ZNF536: variants seen among roughly 807,000 people sequenced by gnomAD.
ZNF536 encodes zinc finger protein 536.
Under a neutral mutation model 84.5 loss-of-function variants are expected in ZNF536, and 13 were observed. The ratio of observed to expected loss-of-function variants is 0.15; its 90% CI spans 0.10 to 0.24. The LOEUF is 0.24. Among genes scored for constraint, ZNF536 ranks in the 10% least tolerant of loss-of-function variants. The pLI, the probability that ZNF536 is intolerant of heterozygous loss-of-function variation, is 1.00. For missense variants in ZNF536, 1,536 were observed against 1,747.5 expected (o/e 0.88, Z 2.16); for synonymous variants, 811 against 742.5 (o/e 1.09, Z -1.50).
intron 2 of ZNF536, among the ~76,000 whole-genome samples, chr19:30,319,660 T>C (rs900499973): frequency 6.6e-6 from 1 of 152,254 alleles, no homozygotes; most frequent in Non-Finnish European, 1.5e-5. Flanking sequence ...CAAACTCTTA[T>C]GTAAATGTTA....
intron 2 of ZNF536, among the ~76,000 whole-genome samples, chr19:30,490,649 G>A (rs2054471341): frequency 6.6e-6 from 1 of 152,058 alleles, no homozygotes; most frequent in Non-Finnish European, 1.5e-5. Flanking sequence ...GCAGAAATAA[G>A]GCCCTATTGT....
At chr19:30,660,204 A>C (rs1182139146) in intron 1 of ZNF536, among the ~76,000 whole-genome samples, 3 of 152,238 alleles carry the variant, frequency 2.0e-5, no homozygotes, top group Non-Finnish European at 4.4e-5. Flanking sequence ...AGAAGGAAGG[A>C]AAACCCACAT....
chr19:30,566,838 G>A (rs1418223193), intron 1 of ZNF536, among the ~76,000 whole-genome samples: 1 of 148,606 alleles, frequency 6.7e-6, no homozygotes, highest in Non-Finnish European at 1.5e-5. Flanking sequence ...CGGGTAGTGG[G>A]GGTCCCTGCA....
At chr19:30,637,341 T>A (rs1158643347) in intron 1 of ZNF536, among the ~76,000 whole-genome samples, 1 of 152,228 alleles carries the variant, frequency 6.6e-6, no homozygotes, top group African/African-American at 2.4e-5. Flanking sequence ...AGGTTCTCTT[T>A]GAGAGTCCAT....
At chr19:30,571,806 A>ACAT (rs1441123351) in intron 1 of ZNF536, among the ~76,000 whole-genome samples, 1 of 152,150 alleles carries the variant, frequency 6.6e-6, no homozygotes, top group Non-Finnish European at 1.5e-5. Context: ...ATTGAGGCCT[A>ACAT]CATTGGGCCC....
intron 2 of ZNF536, among the ~76,000 whole-genome samples, chr19:30,467,266 C>T (rs1259239766): frequency 6.6e-6 from 1 of 152,224 alleles, no homozygotes; most frequent in African/African-American, 2.4e-5. Context: ...TTCACCACAA[C>T]TCCCCATTTC....
chr19:30,324,798 C>A (rs2046969694), intron 2 of ZNF536, among the ~76,000 whole-genome samples: 1 of 152,174 alleles, frequency 6.6e-6, no homozygotes, highest in Non-Finnish European at 1.5e-5. Context: ...CCCATGAAGT[C>A]AGAGCCGATC....
At chr19:30,583,285 T>C (rs182522990) in intron 1 of ZNF536, among the ~76,000 whole-genome samples, 12 of 152,254 alleles carry the variant, frequency 7.9e-5, no homozygotes, top group Non-Finnish European at 1.3e-4. Flanking sequence ...GGCCATGCTG[T>C]GTGATGCTGT....
intron 1 of ZNF536, among the ~76,000 whole-genome samples, chr19:30,693,017 T>TGG (rs200399517): frequency 6.7e-6 from 1 of 150,070 alleles, no homozygotes; most frequent in Non-Finnish European, 1.5e-5. Flanking sequence ...CTCCAAAACC[T>TGG]GGGGGGGAGA....
At chr19:30,665,406 G>A (rs2050278001) in intron 1 of ZNF536, 2 of 152,226 alleles carry the variant, frequency 1.3e-5, no homozygotes, top group Non-Finnish European at 2.9e-5. Flanking sequence ...GTTGTTTGAA[G>A]AGCTGTCTTG....
intron 2 of ZNF536, among the ~76,000 whole-genome samples, chr19:30,303,157 C>T (rs986810836): frequency 1.4e-4 from 22 of 152,168 alleles, no homozygotes; most frequent in African/African-American, 4.3e-4. Flanking sequence ...TTCTGAGGCT[C>T]GGCTGGTGTC....
At chr19:30,559,401 G>A (rs551257176), downstream of ZNF536, among the ~76,000 whole-genome samples, 49 of 152,250 alleles carry the variant, frequency 3.2e-4, no homozygotes, top group Non-Finnish European at 5.6e-4. Context: ...GCCTGTACAA[G>A]AAGTAGGGCC....
chr19:30,288,635 G>T (rs773350917), intron 2 of ZNF536, among the ~76,000 whole-genome samples: 2 of 152,154 alleles, frequency 1.3e-5, no homozygotes, highest in Admixed American at 1.3e-4. Context: ...CAGATTTCCT[G>T]GGTTGGAACC....
At chr19:30,432,517 G>T (rs768474261) in intron 1 of ZNF536, among the ~76,000 whole-genome samples, 8 of 152,138 alleles carry the variant, frequency 5.3e-5, no homozygotes, top group Non-Finnish European at 1.2e-4. Flanking sequence ...GTGAGGTGGG[G>T]CTGGGCTGCT....
intron 1 of ZNF536, among the ~76,000 whole-genome samples, chr19:30,252,367 G>A (rs951204727): frequency 2.0e-5 from 3 of 152,292 alleles, no homozygotes; most frequent in African/African-American, 7.2e-5. Flanking sequence ...TGTGGCTGGG[G>A]ACCGCACTCC....
intron 1 of ZNF536, among the ~76,000 whole-genome samples, chr19:30,230,789 C>T (rs1043117263): frequency 1.3e-5 from 2 of 152,176 alleles, no homozygotes; most frequent in African/African-American, 4.8e-5. Context: ...ACTCTGAACT[C>T]CATCTTACTT....
intron 1 of ZNF536, among the ~76,000 whole-genome samples, chr19:30,684,886 C>T (rs1019064352): frequency 4.6e-5 from 7 of 152,168 alleles, no homozygotes; most frequent in African/African-American, 1.4e-4. Context: ...TGCAGTTGCA[C>T]CCTATTTATG....
intron 2 of ZNF536, among the ~76,000 whole-genome samples, chr19:30,469,491 G>A (rs1045156111): frequency 1.3e-5 from 2 of 152,078 alleles, no homozygotes; most frequent in African/African-American, 2.4e-5. Flanking sequence ...TTGCCCATTA[G>A]TTACCAGGAA....
chr19:30,255,505 C>A (rs1311162835), intron 1 of ZNF536, among the ~76,000 whole-genome samples: 1 of 152,132 alleles, frequency 6.6e-6, no homozygotes, highest in Non-Finnish European at 1.5e-5. Context: ...TAAAAGGCGT[C>A]TTTTCTCTTT....
Sources: allele counts gnomAD v4.1 joint callset (sites outside exome capture counted in the v4.1 genomes callset), GRCh38; gene constraint gnomAD v4.1.1; transcripts MANE v1.5; gene names NCBI Gene and HGNC (gene_info 2026-07-23, HGNC 2026-07-21).